Variants in ARL6IP4 observed in about 807,000 individuals in gnomAD.
ARL6IP4 encodes the protein ARF like GTPase 6 interacting protein 4, also known as ADP-ribosylation factor-like protein 6-interacting protein 4.
A neutral mutation model predicts 28.1 loss-of-function variants in ARL6IP4; 24 were observed. The ratio of observed to expected loss-of-function variants is 0.86; its 90% CI spans 0.62 to 1.20. The LOEUF (loss-of-function observed/expected upper bound fraction) is 1.20. ARL6IP4 is among the 50% of genes most tolerant of loss of function. The probability of loss-of-function intolerance (pLI) is 0.00; values close to 1 mark genes in which losing one functional copy is unlikely to be tolerated. For synonymous variants in ARL6IP4, 162 were observed against 122.3 expected, an observed-to-expected ratio of 1.32 and a Z score of -2.14; for missense variants, 343 against 302.4, an observed-to-expected ratio of 1.13 and a Z score of -1.00.
chr12:122,980,516 G>A, upstream of ARL6IP4: 12 of 1,363,370 alleles, frequency 8.8e-6, no homozygotes, highest in Non-Finnish European at 1.1e-5. Flanking sequence ...GCGCAGCTTC[G>A]GCAGACACAG....
At chr12:122,981,356 C>T (rs1483692248) in intron 2 of ARL6IP4, 57 bp downstream of exon 2, 2 of 1,505,624 alleles carry the variant, frequency 1.3e-6, no homozygotes, top group Non-Finnish European at 1.8e-6. Flanking sequence ...GGAAGTCGGG[C>T]GAGCAGTGGT....
At position 122,981,896 on chromosome 12, in the gene ARL6IP4, C is replaced by T; in HGVS notation, c.469+17C>T. 1 of 1,613,256 alleles carries T rather than the reference C, an allele frequency of 6.2e-7. No homozygotes were observed. Among genetic ancestry groups the T allele is most frequent in the Middle Eastern group, 1.6e-4 (1 of 6,062 alleles). On this transcript the variant is annotated intron_variant, in intron 3 of 5. Transcript: ENST00000315580. ...ATGGCCCAGGTACTGTGCTGCCCAG[C>T]ACCTGAGAGGGAGAAGGTCGCTTCC... is the stretch of plus-strand genomic sequence containing the variant.
chr12:122,980,271 G>T (rs1258154841), upstream of ARL6IP4: 1 of 1,249,448 alleles, frequency 8.0e-7, no homozygotes, highest in African/African-American at 1.5e-5. Flanking sequence ...TGGGGTCCAT[G>T]CCCGCGCTCA....
At chr12:122,982,400 G>A in intron 4 of ARL6IP4, 69 bp from the exon 5 acceptor site, 1 of 1,457,666 alleles carries the variant, frequency 6.9e-7, no homozygotes, top group Non-Finnish European at 9.4e-7. Flanking sequence ...CCGGCTGCTT[G>A]TGGTTCTGCT....
chr12:122,980,658 C>T (rs957459077), upstream of ARL6IP4: 4 of 1,379,952 alleles, frequency 2.9e-6, no homozygotes, highest in East Asian at 3.1e-5. Flanking sequence ...GCCAGCCTCC[C>T]GCGCAGCGCC....
chr12:122,981,162 A>G lies in ARL6IP4; in HGVS notation c.23A>G (p.Lys8Arg). ...GCCATGGCTCACGTCGGCTCCCGCA[A>G]GCGCTCGAGGAGTCGCAGCCGGTCC... MAHVGSR[K>R]RSRSRSRSRG... Residue 8 changes from lysine (K) to arginine (R), a missense_variant, in exon 2 of 6, where the codon AAG becomes AGG. Physicochemically the swap from Lys to Arg is conservative, Grantham distance 26. Transcript: ENST00000315580. The G allele has an allele frequency of 3.2e-6, 5 of 1,549,286 alleles. No individual in the cohort carries two copies. The highest frequency in any genetic ancestry group is 2.6e-6 in the Non-Finnish European group (3 of 1,146,562).
chr12:122,982,159 CGGGGT>C, intron 4 of ARL6IP4, 85 bp downstream of exon 4: 1 of 1,499,342 alleles, frequency 6.7e-7, no homozygotes, highest in Non-Finnish European at 9.3e-7. Context: ...TGGGGCCGGG[CGGGGT>C]TCCTGGTGCC....
Position 122,981,737 on chromosome 12 carries a change from C to T in ARL6IP4, c.327C>T (p.Asp109=), listed in dbSNP as rs1566219390. 6 of 1,553,572 alleles carry T rather than the reference C, an allele frequency of 3.9e-6. No homozygotes were observed. The highest frequency in any genetic ancestry group is 1.2e-5 in the South Asian group (1 of 84,522). The change falls in exon 3 of 6, where the codon GAC becomes GAT. Residue 109 remains aspartate, a synonymous_variant. Coordinates refer to ENST00000315580, the MANE Select transcript of ARL6IP4 (RefSeq NM_018694.4). The part of the protein sequence containing the change: ...DGRKKRGKYK[D]KRRKKKKKRK... ...GGAAGAAGCGGGGGAAGTACAAGGACAAGAGGAGGAAGAAGAAGAAGAAGA... is the reference window on the plus strand; with the variant it reads ...GGAAGAAGCGGGGGAAGTACAAGGATAAGAGGAGGAAGAAGAAGAAGAAGA...
intron 2 of ARL6IP4, 121 bp downstream of exon 2, chr12:122,981,420 G>A (rs1040802615): frequency 5.0e-6 from 7 of 1,404,380 alleles, no homozygotes; most frequent in Non-Finnish European, 5.6e-6. Context: ...TGAGGGCCAG[G>A]CGCCGCAGGA....
upstream of ARL6IP4, chr12:122,980,397 G>A: frequency 7.3e-7 from 1 of 1,369,214 alleles, no homozygotes; most frequent in East Asian, 2.8e-5. Context: ...TATGGAGAGG[G>A]CAGGACCAGC....
chr12:122,982,815 A>C lies in ARL6IP4; in HGVS notation c.*139A>C. The C allele has an allele frequency of 2.2e-6, 2 of 898,084 alleles. No individual in the cohort carries two copies. Among genetic ancestry groups the C allele is most frequent in the Non-Finnish European group, 3.4e-6 (2 of 584,276 alleles). The allele number at this position is 898,084 out of a possible 1,614,324, so 55.6% of individuals were successfully genotyped here. On this transcript the variant is annotated 3_prime_UTR_variant, in exon 6 of 6. Transcript: ENST00000315580. ...CTCTGGCCCAGCCCAGTCTCTTCTC[A>C]GGGGCAGGGGGTGGAGGTTGGGGTC...
chr12:122,981,069 G>C, intron 1 of ARL6IP4, 60 bp from the exon 2 acceptor site: 1 of 1,503,716 alleles, frequency 6.7e-7, no homozygotes, highest in South Asian at 1.3e-5. Context: ...AGCCACCCTT[G>C]GAGCCCGCCC....
Position 122,981,657 on chromosome 12 carries a change from T to A in ARL6IP4, c.247T>A (p.Ser83Thr). Residue 83 changes from serine to threonine, a missense_variant, in exon 3 of 6, where the codon TCT (serine) becomes ACT (threonine). Coordinates refer to ENST00000315580, the MANE Select transcript of ARL6IP4 (RefSeq NM_018694.4). ...RSSSSSSSSS[S>T]SSSSSSSSSS... ...CAGCTCCTCCTCCTCTTCTTCCAGTTCTTCTAGCTCCTCTTCTTCCTCCTC... is the reference window on the plus strand; with the variant it reads ...CAGCTCCTCCTCCTCTTCTTCCAGTACTTCTAGCTCCTCTTCTTCCTCCTC... The A allele has an allele frequency of 6.4e-7, 1 of 1,556,536 alleles. No homozygotes were observed.
In ARL6IP4 at chr12:122,980,762, C is replaced by T. The variant is rs1427356738; in HGVS notation, c.-12+17C>T. 2.3e-6 allele frequency: 3 copies of T among 1,310,384 alleles called. No individual in the cohort carries two copies. In the African/African-American group the frequency reaches 4.6e-5, roughly 20 times the overall value. 81.2% of individuals were successfully genotyped at this position (1,310,384 alleles called of 1,614,324 possible). ...GCGGTCGAGGTGGGAACGGAGCAGC[C>T]CCGGGGGCCCCCTTGAGGCGGCGAG... On this transcript the variant is annotated intron_variant, in intron 1 of 5. Transcript: ENST00000315580.
At chr12:122,980,250 C>T (rs1485420148), upstream of ARL6IP4, 4 of 1,236,538 alleles carry the variant, frequency 3.2e-6, no homozygotes, top group Non-Finnish European at 4.0e-6. Context: ...TGGCTTCCTT[C>T]CGGATGGGCC....
intron 4 of ARL6IP4, 43 bp from the exon 5 acceptor site, chr12:122,982,426 G>A: frequency 6.4e-7 from 1 of 1,555,092 alleles, no homozygotes. Context: ...GGCATTAGGG[G>A]ACCTGCCTAT....
At chr12:122,982,336 GC>G in intron 4 of ARL6IP4, 132 bp from the exon 5 acceptor site, 1 of 936,766 alleles carries the variant, frequency 1.1e-6, no homozygotes. Context: ...AGTGGGTGAG[GC>G]CCCAGGGTCT....
intron 2 of ARL6IP4, 107 bp downstream of exon 2, chr12:122,981,406 G>C: frequency 5.6e-6 from 8 of 1,430,414 alleles, no homozygotes; most frequent in Non-Finnish European, 7.4e-6. Flanking sequence ...CCGGGCCTGA[G>C]ATGTGAGGGC....
intron 4 of ARL6IP4, 149 bp from the exon 5 acceptor site, chr12:122,982,320 A>G: frequency 1.1e-6 from 1 of 875,080 alleles, no homozygotes; most frequent in Non-Finnish European, 1.8e-6. Flanking sequence ...TGCCTTCATC[A>G]GGGAGAGTGG....
Sources: allele counts gnomAD v4.1 joint callset, GRCh38; gene constraint gnomAD v4.1.1; transcripts MANE v1.5; gene names NCBI Gene and HGNC (gene_info 2026-07-23, HGNC 2026-07-21).